EIF4E: variants seen among roughly 807,000 people sequenced by gnomAD.
EIF4E encodes the protein eukaryotic translation initiation factor 4E.
For missense variants in EIF4E, 113 were observed against 265.6 expected (o/e 0.43, Z 3.99); for synonymous variants, 71 against 88.5 (o/e 0.80, Z 1.11).
At chr4:98,899,393 C>T (rs1724553691) in intron 2 of EIF4E, among the ~76,000 whole-genome samples, 1 of 152,128 alleles carries the variant, frequency 6.6e-6, no homozygotes, top group East Asian at 1.9e-4. Flanking sequence ...CAGACTGGGA[C>T]CAATCTGATT....
At chr4:98,914,361 CAAAAAAAAAAA>C (rs1159581783) in intron 1 of EIF4E, among the ~76,000 whole-genome samples, 11 of 34,836 alleles carry the variant, frequency 3.2e-4, no homozygotes, top group South Asian at 1.8e-3. Context: ...GACTCCGTCT[CAAAAAAAAAAA>C]AAAAAAAAAA....
chr4:98,918,556 T>C (rs1013664135), intron 1 of EIF4E, among the ~76,000 whole-genome samples: 67 of 152,242 alleles, frequency 4.4e-4, no homozygotes, highest in African/African-American at 1.5e-3. Flanking sequence ...TTTCAATCCG[T>C]TGTCAAAACA....
In EIF4E at chr4:98,901,889, G is replaced by C. The variant is rs965276525; in HGVS notation, c.112C>G (p.Pro38Ala). Residue 38 changes from proline to alanine, a missense_variant, in exon 2 of 7, where the codon CCC (proline) becomes GCC (alanine). Transcript: ENST00000450253. ...VANPEHYIKH[P>A]LQNRWALWFF... ...TAGAAAGCTTACCTGTTCTGTAGGG[G>C]ATGTTTAATATAGTGTTCTGGGTTA... The C allele has an allele frequency of 6.2e-7, 1 of 1,612,026 alleles. No individual in the cohort carries two copies. The highest frequency in any genetic ancestry group is 8.5e-7 in the Non-Finnish European group (1 of 1,179,758).
intron 1 of EIF4E, among the ~76,000 whole-genome samples, chr4:98,902,938 T>C (rs1165892639): frequency 6.6e-6 from 1 of 152,240 alleles, no homozygotes; most frequent in Non-Finnish European, 1.5e-5. Flanking sequence ...CATGGCATAC[T>C]GTTTACCCTA....
chr4:98,919,339 A>C (rs1030540914), intron 1 of EIF4E, among the ~76,000 whole-genome samples: 5 of 146,958 alleles, frequency 3.4e-5, no homozygotes, highest in Admixed American at 6.7e-5. Flanking sequence ...TAGCAAAAAA[A>C]AAAAAAACAA....
intron 1 of EIF4E, among the ~76,000 whole-genome samples, chr4:98,928,681 C>G (rs1308534869): frequency 6.6e-6 from 1 of 152,138 alleles, no homozygotes; most frequent in Non-Finnish European, 1.5e-5. Flanking sequence ...GCTCCCTCCT[C>G]CATCTCACTC....
chr4:98,918,182 A>T (rs778162341), intron 1 of EIF4E, among the ~76,000 whole-genome samples: 1 of 151,786 alleles, frequency 6.6e-6, no homozygotes, highest in Non-Finnish European at 1.5e-5. Context: ...GGCCAACATG[A>T]TGAAACCCTG....
In EIF4E at chr4:98,923,256, T is replaced by C. The variant is rs537930371; in HGVS notation, c.18+5839A>G. ...TGACCACATTCTCAGGTTCCAGAAG[T>C]GCCCAGAAATGACTATTAGTATTTT... On this transcript the variant is annotated intron_variant, in intron 1 of 6. Transcript: ENST00000450253. 4.0e-5 allele frequency among the ~76,000 whole-genome samples: 6 copies of C among 150,696 alleles called. No individual in the cohort carries two copies. The East Asian group carries it at 9.8e-4, about 24-fold the overall frequency.
intron 2 of EIF4E, among the ~76,000 whole-genome samples, chr4:98,898,564 C>A (rs1365584971): frequency 6.7e-6 from 1 of 148,610 alleles, no homozygotes; most frequent in Middle Eastern, 3.4e-3. Flanking sequence ...GGCGACAGGG[C>A]GAGACTCCGA....
chr4:98,927,206 C>T (rs1453454582), intron 1 of EIF4E, among the ~76,000 whole-genome samples: 2 of 151,968 alleles, frequency 1.3e-5, no homozygotes, highest in Admixed American at 6.6e-5. Context: ...CAATTTAATT[C>T]CCAGGAACAT....
intron 1 of EIF4E, among the ~76,000 whole-genome samples, chr4:98,922,137 T>A (rs1052687048): frequency 6.6e-6 from 1 of 152,052 alleles, no homozygotes; most frequent in Non-Finnish European, 1.5e-5. Context: ...CTTGAAAGAG[T>A]GCAACGGTTA....
intron 6 of EIF4E, among the ~76,000 whole-genome samples, chr4:98,881,588 A>G (rs979249513): frequency 1.6e-5 from 2 of 121,814 alleles, no homozygotes; most frequent in African/African-American, 7.1e-5. Context: ...AACATGTTTC[A>G]TTCTTTGATC....
chr4:98,907,715 G>A (rs1383618815), intron 1 of EIF4E, among the ~76,000 whole-genome samples: 1 of 152,164 alleles, frequency 6.6e-6, no homozygotes, highest in Non-Finnish European at 1.5e-5. Flanking sequence ...GTCTTAAGAT[G>A]AGTATGATAG....
intron 1 of EIF4E, among the ~76,000 whole-genome samples, chr4:98,928,025 T>C (rs1420691700): frequency 6.6e-6 from 1 of 152,140 alleles, no homozygotes; most frequent in Non-Finnish European, 1.5e-5. Flanking sequence ...TGAAAGTCTG[T>C]AGCATAGATA....
At chr4:98,898,159 T>C (rs1192971070) in intron 2 of EIF4E, among the ~76,000 whole-genome samples, 1 of 152,078 alleles carries the variant, frequency 6.6e-6, no homozygotes, top group Non-Finnish European at 1.5e-5. Flanking sequence ...AAGGAGCATA[T>C]CAACAATTAT....
chr4:98,925,420 G>A lies in EIF4E; in HGVS notation c.18+3675C>T, dbSNP rs115619128. 4.0e-3 allele frequency among the ~76,000 whole-genome samples: 612 copies of A among 152,278 alleles called. 2 individuals are homozygous for A. Among genetic ancestry groups the A allele is most frequent in the African/African-American group, 0.013 (542 of 41,552 alleles). On this transcript the variant is annotated intron_variant, in intron 1 of 6. Transcript: ENST00000450253. Reference sequence around the variant, plus strand: ...GTAAGATGGCCTTGCCATTTTCACAGACTAATATTAAACCTAATTTTGACC... The same window carrying A: ...GTAAGATGGCCTTGCCATTTTCACAAACTAATATTAAACCTAATTTTGACC...
Position 98,891,266 on chromosome 4 carries a change from G to A in EIF4E, c.192C>T (p.Ser64=). ...AAAAGTCTTCAACAGTATCAAACTT[G>A]GAGATCAGCCGCAGGTTTGCTTGCC... The part of the protein sequence containing the change: ...KTWQANLRLI[S]KFDTVEDFWA... Residue 64 remains serine, a synonymous_variant, in exon 3 of 7, where the codon TCC becomes TCT. Transcript: ENST00000450253. 1 of 1,614,080 alleles carries A rather than the reference G, an allele frequency of 6.2e-7. No individual in the cohort carries two copies. The highest frequency in any genetic ancestry group is 8.5e-7 in the Non-Finnish European group (1 of 1,180,024).
intron 2 of EIF4E, among the ~76,000 whole-genome samples, chr4:98,898,804 T>TC (rs1724526588): frequency 6.6e-6 from 1 of 152,078 alleles, no homozygotes; most frequent in Admixed American, 6.6e-5. Flanking sequence ...TAACAATAGA[T>TC]AAAAATCCAC....
Position 98,887,321 on chromosome 4 carries a change from T to A in EIF4E, c.286-129A>T. 2.1e-6 allele frequency: 2 copies of A among 967,268 alleles called. No individual in the cohort carries two copies. The highest frequency in any genetic ancestry group is 3.3e-6 in the Non-Finnish European group (2 of 603,030). The allele number at this position is 967,268 out of a possible 1,614,324, so 59.9% of individuals were successfully genotyped here. A position where few individuals can be genotyped will look rare whatever the true frequency, so the allele number is the denominator to read the frequency against. ...ATTGCCCATAAAACTGCCATTGATG[T>A]AGTTTTTAAACAGCACATAAGACTT... On this transcript the variant is annotated intron_variant, in intron 4 of 6. Transcript: ENST00000450253. The surrounding 1 kb of genome is among the most constrained non-coding windows in gnomAD (Gnocchi z 4.0).
Sources: gnomAD v4.1 joint callset for allele counts (sites outside exome capture counted in the v4.1 genomes callset) on GRCh38, gnomAD v4.1.1 for gene constraint, Gnocchi (gnomAD v3.1) non-coding constraint, MANE v1.5 for transcripts, NCBI Gene and HGNC (gene_info 2026-07-23, HGNC 2026-07-21) for gene names.